DGKB: variants seen among roughly 807,000 people sequenced by gnomAD.
DGKB encodes 90 kDa diacylglycerol kinase.
In DGKB, 67 loss-of-function variants were observed where a neutral mutation model predicts 114.3. That is an observed-to-expected ratio of 0.59 (90% CI 0.48 to 0.72). The LOEUF (loss-of-function observed/expected upper bound fraction) is 0.72. Among genes scored for constraint, DGKB ranks in the 30% least tolerant of loss-of-function variants. The pLI is 0.00. For synonymous variants in DGKB, 398 were observed against 323.1 expected (o/e 1.23, Z -2.49); for missense variants, 907 against 975.2 (o/e 0.93, Z 0.93).
At chr7:14,729,268 G>T (rs545144527) in intron 5 of DGKB, among the ~76,000 whole-genome samples, 6 of 147,760 alleles carry the variant, frequency 4.1e-5, no homozygotes, top group Non-Finnish European at 9.0e-5. Context: ...GACTACAGGC[G>T]CCTGCCACCA....
intron 21 of DGKB, among the ~76,000 whole-genome samples, chr7:14,349,528 A>G (rs904863382): frequency 6.6e-6 from 1 of 152,154 alleles, no homozygotes; most frequent in African/African-American, 2.4e-5. Context: ...AACATATCAC[A>G]AGAAACAGAA....
At chr7:14,393,041 T>C (rs1207327252) in intron 21 of DGKB, among the ~76,000 whole-genome samples, 2 of 125,186 alleles carry the variant, frequency 1.6e-5, no homozygotes, top group Non-Finnish European at 3.4e-5. Flanking sequence ...CAGGCTGGAG[T>C]GCAGTGGCAC....
At chr7:14,259,287 C>T (rs977782634) in intron 23 of DGKB, among the ~76,000 whole-genome samples, 2 of 150,922 alleles carry the variant, frequency 1.3e-5, no homozygotes, top group Non-Finnish European at 2.9e-5. Flanking sequence ...TGTAAAAATG[C>T]AATACTGGCA....
rs1788089010 is a variant in DGKB, at chr7:14,212,185, ATGTTTTGTGATTTTACTCTCG to A, written c.2123-34055_2123-34035del. Among the ~76,000 whole-genome samples, 13 of 4,146 alleles carry A rather than the reference ATGTTTTGTGATTTTACTCTCG, an allele frequency of 3.1e-3. 5 individuals are homozygous for A. The highest frequency in any genetic ancestry group is 8.1e-3 in the Admixed American group (2 of 248). The allele number at this position is 4,146 out of a possible 152,430, so 2.7% of individuals were successfully genotyped here. A position where few individuals can be genotyped will look rare whatever the true frequency, so the allele number is the denominator to read the frequency against. On this transcript the variant is annotated intron_variant, in intron 23 of 25. Transcript: ENST00000402815. ...CTCATGTTTTGTGATATTTACTCTC[ATGTTTTGTGATTTTACTCTCG>A]TGTTTTGTGATTTTACTCTCATGTT...
intron 9 of DGKB, among the ~76,000 whole-genome samples, chr7:14,687,784 T>G (rs1044533603): frequency 3.9e-5 from 6 of 152,208 alleles, no homozygotes; most frequent in African/African-American, 1.2e-4. Flanking sequence ...CCATTACATG[T>G]GAATAAGCTT....
At position 14,437,493 on chromosome 7, in the gene DGKB, T is replaced by C. The variant is rs529201156; in HGVS notation, c.1835+40668A>G. 3.3e-5 allele frequency among the ~76,000 whole-genome samples: 5 copies of C among 152,160 alleles called. No homozygotes were observed. The South Asian group carries it at 6.2e-4, about 19-fold the overall frequency. ...AAAATATGCTCCACTCTTAAAAGTA[T>C]GCTAAATATATTTTTTAAAGTTTCT... On this transcript the variant is annotated intron_variant, in intron 21 of 25. Coordinates refer to ENST00000402815, the MANE Select transcript of DGKB (RefSeq NM_001350709.2).
intron 4 of DGKB, among the ~76,000 whole-genome samples, chr7:14,743,562 G>A (rs1564078645): frequency 6.6e-6 from 1 of 152,266 alleles, no homozygotes; most frequent in African/African-American, 2.4e-5. Flanking sequence ...TCTAGAAGAA[G>A]AGAGGTAAAC....
At chr7:14,933,854 T>A (rs181062231) in intron 1 of DGKB, among the ~76,000 whole-genome samples, 260 of 152,254 alleles carry the variant, frequency 1.7e-3, no homozygotes, top group Non-Finnish European at 2.0e-3. Context: ...CTCTGTTTGG[T>A]TGATATCTGA....
At chr7:14,969,493 C>A (rs1353383722) in intron 1 of DGKB, among the ~76,000 whole-genome samples, 4 of 152,264 alleles carry the variant, frequency 2.6e-5, no homozygotes, top group East Asian at 3.9e-4. Context: ...TTGTTAGGAA[C>A]CAGTTTGCAC....
chr7:14,315,017 A>C (rs1305624480), intron 23 of DGKB, among the ~76,000 whole-genome samples: 1 of 152,030 alleles, frequency 6.6e-6, no homozygotes, highest in Non-Finnish European at 1.5e-5. Flanking sequence ...CCAGAATTTC[A>C]TATGCAGCCA....
intron 4 of DGKB, among the ~76,000 whole-genome samples, chr7:14,748,238 T>C (rs1303941515): frequency 2.0e-5 from 3 of 152,212 alleles, no homozygotes; most frequent in African/African-American, 7.2e-5. Flanking sequence ...GAGCTTATCT[T>C]CTAATGAAAG....
chr7:14,179,323 G>T (rs187370399), intron 23 of DGKB, among the ~76,000 whole-genome samples: 4 of 152,272 alleles, frequency 2.6e-5, no homozygotes, highest in Non-Finnish European at 4.4e-5. Context: ...CAAAGTCTAG[G>T]TGCATATATA....
At chr7:14,160,171 C>A (rs1783663415) in intron 25 of DGKB, among the ~76,000 whole-genome samples, 1 of 152,120 alleles carries the variant, frequency 6.6e-6, no homozygotes, top group Non-Finnish European at 1.5e-5. Context: ...CAATATCATA[C>A]TGAATGGGCA....
intron 20 of DGKB, among the ~76,000 whole-genome samples, chr7:14,525,794 C>T (rs2128578550): frequency 6.6e-6 from 1 of 152,134 alleles, no homozygotes; most frequent in African/African-American, 2.4e-5. Context: ...GTTCGGGTAA[C>T]TAGAAATTCA....
chr7:14,962,449 C>A (rs1786902712), intron 1 of DGKB, among the ~76,000 whole-genome samples: 2 of 152,014 alleles, frequency 1.3e-5, no homozygotes, highest in Non-Finnish European at 2.9e-5. Context: ...ATAATTTATT[C>A]TGAGGTATAG....
intron 9 of DGKB, among the ~76,000 whole-genome samples, chr7:14,693,768 C>T (rs1021110686): frequency 2.8e-4 from 42 of 151,880 alleles, no homozygotes; most frequent in Admixed American, 7.2e-4. Context: ...GAGCCTCTTG[C>T]TTTAGATAAT....
intron 21 of DGKB, among the ~76,000 whole-genome samples, chr7:14,463,584 A>G (rs1470645733): frequency 1.3e-5 from 2 of 152,146 alleles, no homozygotes; most frequent in African/African-American, 4.8e-5. Context: ...CCACTAAGCT[A>G]TAAACTCTAA....
intron 1 of DGKB, among the ~76,000 whole-genome samples, chr7:14,974,417 T>G (rs529021514): frequency 1.1e-4 from 17 of 152,218 alleles, no homozygotes; most frequent in African/African-American, 4.1e-4. Flanking sequence ...CACTTCTATC[T>G]TTAAAAGCTG....
chr7:14,685,497 C>T, intron 9 of DGKB, 135 bp from the exon 10 acceptor site: 2 of 647,666 alleles, frequency 3.1e-6, no homozygotes, highest in Non-Finnish European at 5.4e-6. Flanking sequence ...TCTCCAAGAT[C>T]ACCGCAGAGC....
Sources: gnomAD v4.1 joint callset for allele counts (sites outside exome capture counted in the v4.1 genomes callset) on GRCh38, gnomAD v4.1.1 for gene constraint, MANE v1.5 for transcripts, NCBI Gene and HGNC (gene_info 2026-07-23, HGNC 2026-07-21) for gene names.